Variants in PRR11 observed in about 807,000 individuals in gnomAD.
The protein encoded by PRR11 is proline-rich protein 11.
In PRR11, 30 loss-of-function variants were observed where a neutral mutation model predicts 45.6. That is an observed-to-expected ratio of 0.66 (90% CI 0.49 to 0.89). PRR11 has a LOEUF of 0.89. PRR11 is among the 40% of genes least tolerant of loss of function. The pLI, the probability that PRR11 is intolerant of heterozygous loss-of-function variation, is 0.00. For missense variants in PRR11, 373 were observed against 424.8 expected, an observed-to-expected ratio of 0.88 and a Z score of 1.07; for synonymous variants, 128 against 153.5, an observed-to-expected ratio of 0.83 and a Z score of 1.23.
intron 1 of PRR11, among the ~76,000 whole-genome samples, chr17:59,166,774 T>C (rs2046681974): frequency 6.6e-6 from 1 of 152,200 alleles, no homozygotes; most frequent in African/African-American, 2.4e-5. Flanking sequence ...AAAAATTCAC[T>C]TTATTTAGAC....
chr17:59,157,987 G>C (rs760415506), intron 1 of PRR11, among the ~76,000 whole-genome samples: 1 of 152,212 alleles, frequency 6.6e-6, no homozygotes, highest in Non-Finnish European at 1.5e-5. Flanking sequence ...GGCCATTAGA[G>C]CTAAGTTGTG....
rs955906571 is a variant in PRR11, at chr17:59,204,364, C to T, written c.*2733C>T. 1.4e-5 allele frequency: 2 copies of T among 140,318 alleles called. No individual in the cohort carries two copies. The highest frequency in any genetic ancestry group is 2.9e-5 in the Non-Finnish European group (2 of 67,816). The allele number at this position is 140,318 out of a possible 1,614,324, so 8.7% of individuals were successfully genotyped here. On this transcript the variant is annotated 3_prime_UTR_variant, in exon 10 of 10. Transcript: ENST00000262293. ...TGAGCTGAGATTGTGCCACTGTATT[C>T]CATCCTGGGCAACAGAGCCAGACCC...
At chr17:59,185,673 CATT>C in intron 4 of PRR11, 111 bp downstream of exon 4, 1 of 1,023,164 alleles carries the variant, frequency 9.8e-7, no homozygotes, top group South Asian at 1.7e-5. Context: ...ATATCTCAAA[CATT>C]AAGCGAAAAA....
intron 2 of PRR11, chr17:59,174,872 T>A: frequency 1.6e-6 from 2 of 1,216,542 alleles, no homozygotes; most frequent in Non-Finnish European, 2.4e-6. Context: ...AGATGGGGAC[T>A]CCCCAGGATA....
In PRR11 at chr17:59,206,411, CAA is replaced by C. The variant is rs1010405613; in HGVS notation, c.*4790_*4791del. 7.1e-6 allele frequency among the ~76,000 whole-genome samples: 1 copy of C among 140,884 alleles called. No individual in the cohort carries two copies. The highest frequency in any genetic ancestry group is 1.6e-5 in the Non-Finnish European group (1 of 64,182). 92.4% of individuals were successfully genotyped at this position (140,884 alleles called of 152,430 possible). ...TGCTTTGCTACATAATGAGGCCAGGCAAAAAAAAAAAGTCCTGTGGAAATCAT... is the reference window on the plus strand; with the variant it reads ...TGCTTTGCTACATAATGAGGCCAGGCAAAAAAAAAGTCCTGTGGAAATCAT... On this transcript the variant is annotated 3_prime_UTR_variant, in exon 10 of 10. Coordinates refer to ENST00000262293, the MANE Select transcript of PRR11 (RefSeq NM_018304.4).
At chr17:59,166,108 G>A (rs901888864) in intron 1 of PRR11, among the ~76,000 whole-genome samples, 3 of 152,268 alleles carry the variant, frequency 2.0e-5, no homozygotes, top group South Asian at 4.1e-4. Flanking sequence ...CCAAGCCAGC[G>A]CTCAGTTTTT....
At chr17:59,160,534 A>G (rs1461682799) in intron 1 of PRR11, among the ~76,000 whole-genome samples, 1 of 152,114 alleles carries the variant, frequency 6.6e-6, no homozygotes, top group South Asian at 2.1e-4. Context: ...TGGCCTCCCA[A>G]AGTGCTGGAA....
chr17:59,177,037 T>C (rs775653087), intron 2 of PRR11: 43 of 436,980 alleles, frequency 9.8e-5, no homozygotes, highest in Non-Finnish European at 1.6e-4. Context: ...AACAAGATAG[T>C]ATAATCCTCT....
chr17:59,165,507 T>A (rs2046675261), intron 1 of PRR11, among the ~76,000 whole-genome samples: 1 of 151,536 alleles, frequency 6.6e-6, no homozygotes, highest in Admixed American at 6.6e-5. Flanking sequence ...TTAAAAAAAA[T>A]CAGGGCTGGG....
intron 2 of PRR11, chr17:59,179,725 C>T: frequency 7.0e-7 from 1 of 1,422,418 alleles, no homozygotes; most frequent in Non-Finnish European, 9.7e-7. Context: ...TCATCTTGAG[C>T]CCACACAGCG....
chr17:59,193,149 A>C (rs2046847285), intron 4 of PRR11, among the ~76,000 whole-genome samples: 1 of 152,136 alleles, frequency 6.6e-6, no homozygotes, highest in Non-Finnish European at 1.5e-5. Flanking sequence ...GGGCTCAAGC[A>C]ATTCGCTGGA....
intron 1 of PRR11, among the ~76,000 whole-genome samples, chr17:59,167,725 A>G (rs1440835376): frequency 6.6e-6 from 1 of 152,136 alleles, no homozygotes; most frequent in East Asian, 1.9e-4. Context: ...TCCAGACATT[A>G]CCATGGCATT....
chr17:59,167,232 C>T (rs1022899252), intron 1 of PRR11, among the ~76,000 whole-genome samples: 1 of 152,088 alleles, frequency 6.6e-6, no homozygotes, highest in East Asian at 1.9e-4. Context: ...TGTTTTGATA[C>T]ATATAATGTA....
At chr17:59,180,374 G>A (rs1411672600) in intron 2 of PRR11, among the ~76,000 whole-genome samples, 6 of 150,966 alleles carry the variant, frequency 4.0e-5, no homozygotes, top group South Asian at 4.2e-4. Flanking sequence ...CAAGTGATCC[G>A]CCTGCCTTGG....
At chr17:59,161,419 AAAAACAAAAACAT>A (rs1443852164) in intron 1 of PRR11, among the ~76,000 whole-genome samples, 1 of 151,498 alleles carries the variant, frequency 6.6e-6, no homozygotes, top group Non-Finnish European at 1.5e-5. Flanking sequence ...TCAAAAAAAA[AAAAACAAAAACAT>A]AAAACAAAAA....
chr17:59,173,721 C>T (rs2046725527), intron 2 of PRR11, among the ~76,000 whole-genome samples: 1 of 152,158 alleles, frequency 6.6e-6, no homozygotes, highest in Non-Finnish European at 1.5e-5. Flanking sequence ...AACCAAGAAC[C>T]CACCAATTCC....
chr17:59,198,831 T>C, intron 9 of PRR11, among the ~76,000 whole-genome samples: 1 of 151,996 alleles, frequency 6.6e-6, no homozygotes, highest in East Asian at 1.9e-4. Flanking sequence ...AGTGAGACCC[T>C]GTCTCAAAAA....
intron 2 of PRR11, chr17:59,181,910 G>A: frequency 8.3e-7 from 1 of 1,199,454 alleles, no homozygotes; most frequent in East Asian, 2.7e-5. Context: ...AACCCCATGA[G>A]CCGCTCCTTC....
rs1354703165 is a variant in PRR11, at chr17:59,185,481, C to T, written c.321C>T (p.Ile107=). Residue 107 remains isoleucine, a synonymous_variant, in exon 4 of 10, where the codon ATC becomes ATT. Transcript: ENST00000262293. ...AAGACACCATCTTTCCATCTCGTAT[C>T]TGCCACCGAGAACTTTACAGTGTAA... ...VLKDTIFPSR[I]CHRELYSVKQ... 6.2e-7 allele frequency: 1 copy of T among 1,608,074 alleles called. No individual in the cohort carries two copies. Among genetic ancestry groups the T allele is most frequent in the Non-Finnish European group, 8.5e-7 (1 of 1,176,792 alleles).
Sources: allele counts gnomAD v4.1 joint callset (sites outside exome capture counted in the v4.1 genomes callset), GRCh38; gene constraint gnomAD v4.1.1; transcripts MANE v1.5; gene names NCBI Gene and HGNC (gene_info 2026-07-23, HGNC 2026-07-21).